PTPN13: variants seen among roughly 807,000 people sequenced by gnomAD.
PTPN13 encodes the protein tyrosine-protein phosphatase non-receptor type 13.
Under a neutral mutation model 284.0 loss-of-function variants are expected in PTPN13, and 191 were observed. The ratio of observed to expected loss-of-function variants is 0.67; its 90% CI spans 0.60 to 0.76. The LOEUF (loss-of-function observed/expected upper bound fraction) is 0.76. Among genes scored for constraint, PTPN13 ranks in the 30% least tolerant of loss-of-function variants. The probability of loss-of-function intolerance (pLI) is 0.00; values close to 1 mark genes in which losing one functional copy is unlikely to be tolerated. For synonymous variants in PTPN13, 986 were observed against 1,022.3 expected (o/e 0.96, Z 0.68); for missense variants, 2,797 against 2,939.9 (o/e 0.95, Z 1.12).
chr4:86,688,572 CTTCT>C (rs887788705), intron 4 of PTPN13, among the ~76,000 whole-genome samples: 1 of 151,584 alleles, frequency 6.6e-6, no homozygotes, highest in Non-Finnish European at 1.5e-5. Flanking sequence ...TATTTTAAAT[CTTCT>C]TTAAGTTATC....
intron 3 of PTPN13, among the ~76,000 whole-genome samples, chr4:86,680,157 A>G (rs1369919582): frequency 6.6e-6 from 1 of 152,152 alleles, no homozygotes; most frequent in Admixed American, 6.5e-5. Flanking sequence ...AACTATCACT[A>G]TTATATGTCA....
At chr4:86,603,131 A>G (rs1209548290) in intron 1 of PTPN13, among the ~76,000 whole-genome samples, 3 of 152,218 alleles carry the variant, frequency 2.0e-5, no homozygotes, top group South Asian at 2.1e-4. Flanking sequence ...ATTAAATAAT[A>G]TATTTTTTCA....
chr4:86,731,766 T>C (rs900817953), intron 10 of PTPN13, among the ~76,000 whole-genome samples: 8 of 152,104 alleles, frequency 5.3e-5, no homozygotes, highest in Non-Finnish European at 8.8e-5. Context: ...GCCTCAGCCC[T>C]CTAAGCAGCT....
chr4:86,778,931 G>GA (rs71657585), intron 35 of PTPN13, among the ~76,000 whole-genome samples: 10 of 145,188 alleles, frequency 6.9e-5, no homozygotes, highest in South Asian at 6.6e-4. Context: ...AAATGAGTTG[G>GA]AAAAAAAAAA....
chr4:86,809,223 A>T (rs575638614), intron 45 of PTPN13, among the ~76,000 whole-genome samples: 1 of 152,292 alleles, frequency 6.6e-6, no homozygotes, highest in Admixed American at 6.5e-5. Context: ...TGTTATCAAA[A>T]TGCAATTTGT....
intron 3 of PTPN13, among the ~76,000 whole-genome samples, chr4:86,682,592 TC>T (rs1729016169): frequency 6.6e-6 from 1 of 152,170 alleles, no homozygotes; most frequent in Non-Finnish European, 1.5e-5. Context: ...TTTTGAATAA[TC>T]CTTCCTGTGC....
intron 7 of PTPN13, among the ~76,000 whole-genome samples, chr4:86,703,301 G>C (rs1033254972): frequency 6.6e-6 from 1 of 151,918 alleles, no homozygotes; most frequent in African/African-American, 2.4e-5. Context: ...GAGAGATTAG[G>C]CACTTTCTAT....
chr4:86,679,996 A>G (rs746298440), intron 3 of PTPN13, among the ~76,000 whole-genome samples: 3 of 152,162 alleles, frequency 2.0e-5, no homozygotes, highest in Non-Finnish European at 4.4e-5. Context: ...AACTCAGGCA[A>G]TTTGCTTAAC....
At chr4:86,765,636 G>A in intron 26 of PTPN13, 148 bp downstream of exon 26, 1 of 565,760 alleles carries the variant, frequency 1.8e-6, no homozygotes, top group East Asian at 3.0e-5. Flanking sequence ...GAAACTCTTT[G>A]ATGCCATTTC....
At chr4:86,686,035 A>G (rs1729413748) in intron 3 of PTPN13, among the ~76,000 whole-genome samples, 1 of 152,230 alleles carries the variant, frequency 6.6e-6, no homozygotes, top group Non-Finnish European at 1.5e-5. Context: ...ATCTCTAAGC[A>G]TTGATATGGA....
Position 86,622,054 on chromosome 4 carries a change from T to G in PTPN13, c.-5-13198T>G, listed in dbSNP as rs535222853. 2.0e-5 allele frequency among the ~76,000 whole-genome samples: 3 copies of G among 152,294 alleles called. No homozygotes were observed. The East Asian group carries it at 5.8e-4, about 29-fold the overall frequency. ...ATAAACATTATTCTTTGCTAAAAAC[T>G]TCTCTGCTTTGTTTCTCCAAAAGGT... On this transcript the variant is annotated intron_variant, in intron 1 of 47. Transcript: ENST00000411767.
chr4:86,754,612 T>G (rs1737769158), intron 20 of PTPN13, among the ~76,000 whole-genome samples: 1 of 152,092 alleles, frequency 6.6e-6, no homozygotes, highest in South Asian at 2.1e-4. Flanking sequence ...GAGTCTACAC[T>G]CTAATCTACT....
At chr4:86,757,415 G>A (rs1196775338) in intron 20 of PTPN13, among the ~76,000 whole-genome samples, 1 of 152,070 alleles carries the variant, frequency 6.6e-6, no homozygotes, top group Non-Finnish European at 1.5e-5. Flanking sequence ...AATTTGAAAT[G>A]AATGAAGATC....
intron 1 of PTPN13, among the ~76,000 whole-genome samples, chr4:86,610,360 T>G (rs923566984): frequency 6.6e-6 from 1 of 152,232 alleles, no homozygotes; most frequent in African/African-American, 2.4e-5. Context: ...CTATCTCCCC[T>G]TTAGAGAAAT....
intron 13 of PTPN13, 132 bp downstream of exon 13, chr4:86,734,588 AAC>A (rs1735288255): frequency 1.6e-6 from 2 of 1,268,002 alleles, no homozygotes; most frequent in Non-Finnish European, 2.1e-6. Flanking sequence ...TATTTCTTTC[AAC>A]ACAGTTTATC....
chr4:86,709,153 C>T (rs1223341929), intron 7 of PTPN13, among the ~76,000 whole-genome samples: 1 of 152,146 alleles, frequency 6.6e-6, no homozygotes, highest in Non-Finnish European at 1.5e-5. Flanking sequence ...TACCTGCCTA[C>T]TTACCTATCT....
intron 1 of PTPN13, among the ~76,000 whole-genome samples, chr4:86,599,136 T>C (rs1365520055): frequency 6.6e-6 from 1 of 152,180 alleles, no homozygotes; most frequent in East Asian, 1.9e-4. Flanking sequence ...GATGAGACCC[T>C]GGCATCTGTA....
intron 2 of PTPN13, among the ~76,000 whole-genome samples, chr4:86,661,576 G>A (rs1361790960): frequency 6.6e-6 from 1 of 152,096 alleles, no homozygotes. Context: ...GGCAGAGAGG[G>A]GTGAGGGAGT....
At chr4:86,658,192 C>T (rs757358565) in intron 2 of PTPN13, among the ~76,000 whole-genome samples, 7 of 152,186 alleles carry the variant, frequency 4.6e-5, no homozygotes, top group African/African-American at 9.7e-5. Context: ...TAGGCATTGA[C>T]GGAATTCCTA....
Sources: allele counts gnomAD v4.1 joint callset (sites outside exome capture counted in the v4.1 genomes callset), GRCh38; gene constraint gnomAD v4.1.1; transcripts MANE v1.5; gene names NCBI Gene and HGNC (gene_info 2026-07-23, HGNC 2026-07-21).